The following MGA variants were observed in gnomAD, a reference collection of about 807,000 sequenced individuals.
MGA encodes MAX dimerization protein MGA, also known as MAX gene-associated protein.
In MGA, 40 loss-of-function variants were observed where a neutral mutation model predicts 261.1. That is an observed-to-expected ratio of 0.15 (90% confidence interval 0.12 to 0.20). The LOEUF (loss-of-function observed/expected upper bound fraction) is 0.20. Ranked by LOEUF, MGA falls within the 10% of genes least tolerant of loss-of-function variation. MGA has a pLI of 1.00. For synonymous variants in MGA, 1,302 were observed against 1,290.6 expected, an observed-to-expected ratio of 1.01 and a Z score of -0.19; for missense variants, 3,397 against 3,630.5, an observed-to-expected ratio of 0.94 and a Z score of 1.65.
At chr15:41,668,780 G>A (rs1309753925) in intron 1 of MGA, 48 bp from the exon 2 acceptor site, 2 of 663,650 alleles carry the variant, frequency 3.0e-6, no homozygotes, top group Non-Finnish European at 5.0e-6. Flanking sequence ...ATACTCACTT[G>A]ATTAAAGGGT....
chr15:41,708,212 A>T lies in MGA; in HGVS notation c.2425+4A>T. On this transcript the variant is annotated splice_donor_region_variant and intron_variant, in intron 7 of 23. Transcript: ENST00000219905. ...GCTTCTGCATCTAGGAATGAAGGTA[A>T]TTAGTTTTTTAAAATTTTTTAAATG... 1 of 1,552,650 alleles carries T rather than the reference A, an allele frequency of 6.4e-7. No individual in the cohort carries two copies. Among genetic ancestry groups the T allele is most frequent in the Non-Finnish European group, 8.7e-7 (1 of 1,147,404 alleles).
chr15:41,767,115 G>T lies in MGA; in HGVS notation c.9033G>T (p.Met3011Ile), dbSNP rs1371586276. ...CAGATGGTCAGAGTCTCAAGGTGAT[G>T]CCTTGTTTGGCACCTATAGCTGCCA... Residue 3011 changes from methionine to isoleucine, a missense_variant, in exon 24 of 24, where the codon ATG becomes ATT. Around this residue, in one of 9 missense-constraint regions of MGA, gnomAD observed 647 missense variants for 642.4 expected, o/e 1.01. Transcript: ENST00000219905. The T allele has an allele frequency of 3.7e-6, 6 of 1,614,008 alleles. No individual in the cohort carries two copies. The highest frequency in any genetic ancestry group is 5.1e-6 in the Non-Finnish European group (6 of 1,179,896).
chr15:41,681,549 C>T (rs1435017649), intron 2 of MGA, among the ~76,000 whole-genome samples: 2 of 152,022 alleles, frequency 1.3e-5, no homozygotes, highest in Admixed American at 1.3e-4. Flanking sequence ...CTTCCAGGCT[C>T]AAGTGATCCT....
chr15:41,638,688 C>CTTTTTTTTTTTTTTT (rs761492514), intron 1 of MGA, among the ~76,000 whole-genome samples: 5 of 115,632 alleles, frequency 4.3e-5, no homozygotes, highest in Non-Finnish European at 7.2e-5. Flanking sequence ...TTTTCTTTTT[C>CTTTTTTTTTTTTTTT]TTTTTTTTTT....
chr15:41,624,327 A>G (rs1235450712), intron 1 of MGA, among the ~76,000 whole-genome samples: 1 of 151,792 alleles, frequency 6.6e-6, no homozygotes, highest in Non-Finnish European at 1.5e-5. Flanking sequence ...AGCTCACTGC[A>G]ACTTCCGCAT....
chr15:41,731,534 T>TA (rs1182658085), intron 11 of MGA, among the ~76,000 whole-genome samples: 5 of 152,016 alleles, frequency 3.3e-5, no homozygotes, highest in East Asian at 1.9e-4. Context: ...TCATTTTGGA[T>TA]AAAAAAAACT....
chr15:41,637,519 A>G (rs2056735088), intron 1 of MGA, among the ~76,000 whole-genome samples: 1 of 152,142 alleles, frequency 6.6e-6, no homozygotes, highest in Admixed American at 6.6e-5. Context: ...AGTTGAAATC[A>G]CTTGTTAGGT....
At chr15:41,675,578 A>G (rs370814098) in intron 2 of MGA, among the ~76,000 whole-genome samples, 22 of 152,150 alleles carry the variant, frequency 1.4e-4, no homozygotes, top group African/African-American at 2.9e-4. Context: ...GGATCTTGCT[A>G]TGTTGGCCAG....
chr15:41,673,181 A>T (rs1315882561), intron 2 of MGA, among the ~76,000 whole-genome samples: 1 of 151,872 alleles, frequency 6.6e-6, no homozygotes, highest in African/African-American at 2.4e-5. Flanking sequence ...GTTATTTCCT[A>T]GTATTATGCT....
intron 9 of MGA, among the ~76,000 whole-genome samples, chr15:41,721,486 A>AT (rs2060935395): frequency 6.6e-6 from 1 of 152,222 alleles, no homozygotes; most frequent in African/African-American, 2.4e-5. Flanking sequence ...ATAAAAGCAG[A>AT]TATTTGTAAT....
chr15:41,723,785 CT>C (rs1258831640), intron 9 of MGA, among the ~76,000 whole-genome samples: 2 of 152,152 alleles, frequency 1.3e-5, no homozygotes, highest in Admixed American at 6.5e-5. Context: ...AACTCTACCC[CT>C]CTCAGTCAAA....
chr15:41,658,824 C>A (rs1186740212), upstream of MGA, among the ~76,000 whole-genome samples: 2 of 151,834 alleles, frequency 1.3e-5, no homozygotes, highest in African/African-American at 4.8e-5. Flanking sequence ...CCTCACAGAT[C>A]CCCCAGTTAG....
intron 1 of MGA, among the ~76,000 whole-genome samples, chr15:41,665,255 A>G (rs2057663086): frequency 6.6e-6 from 1 of 152,210 alleles, no homozygotes; most frequent in Admixed American, 6.5e-5. Context: ...TAAGTGGCTG[A>G]ATTTGATTAA....
chr15:41,697,847 A>C (rs1314851981), intron 3 of MGA, among the ~76,000 whole-genome samples: 1 of 152,062 alleles, frequency 6.6e-6, no homozygotes, highest in Non-Finnish European at 1.5e-5. Context: ...TTTTTCTTGG[A>C]AATTTTTATA....
chr15:41,651,157 A>C (rs985328011), intron 1 of MGA, among the ~76,000 whole-genome samples: 14 of 152,112 alleles, frequency 9.2e-5, no homozygotes, highest in African/African-American at 3.4e-4. Flanking sequence ...AGCAACATTA[A>C]TCCATTCATG....
In MGA at chr15:41,762,112, A is replaced by G. The variant is rs772970783; in HGVS notation, c.7511-17A>G. The G allele has an allele frequency of 1.9e-6, 3 of 1,578,308 alleles. No individual in the cohort carries two copies. Among genetic ancestry groups the G allele is most frequent in the Non-Finnish European group, 1.7e-6 (2 of 1,150,782 alleles). On this transcript the variant is annotated splice_polypyrimidine_tract_variant and intron_variant, in intron 21 of 23. Coordinates refer to ENST00000219905, the MANE Select transcript of MGA (RefSeq NM_001164273.2). ...GGCGTAATGCTGAAAGTGCTAATGT[A>G]TTCTGTTAACTTACAGGTAAGACAG...
chr15:41,705,261 G>A (rs979758231), intron 5 of MGA, among the ~76,000 whole-genome samples: 5 of 151,966 alleles, frequency 3.3e-5, no homozygotes, highest in Non-Finnish European at 7.4e-5. Flanking sequence ...CACCATGTCC[G>A]GCCTCAGATT....
intron 2 of MGA, among the ~76,000 whole-genome samples, chr15:41,690,862 C>T (rs1046793542): frequency 1.4e-5 from 2 of 143,008 alleles, no homozygotes; most frequent in Non-Finnish European, 3.2e-5. Context: ...CTAGGTGACA[C>T]AGTGGGACCT....
intron 2 of MGA, among the ~76,000 whole-genome samples, chr15:41,672,085 A>G (rs1265463192): frequency 6.6e-6 from 1 of 152,236 alleles, no homozygotes; most frequent in Admixed American, 6.5e-5. Context: ...CCGTTGGATG[A>G]TGCAGAATTT....
Sources: gnomAD v4.1 joint callset for allele counts (sites outside exome capture counted in the v4.1 genomes callset) on GRCh38, gnomAD v4.1.1 for gene constraint, gnomAD v4.1.1 regional missense constraint, MANE v1.5 for transcripts, NCBI Gene and HGNC (gene_info 2026-07-23, HGNC 2026-07-21) for gene names.